Variants in HSPG2 observed in about 807,000 individuals in gnomAD.
HSPG2 encodes the protein heparan sulfate proteoglycan 2, also known as basement membrane-specific heparan sulfate proteoglycan core protein.
In HSPG2, 278 loss-of-function variants were observed where a neutral mutation model predicts 526.6. The observed-to-expected ratio is 0.53, with a 90% confidence interval of 0.48 to 0.58. HSPG2 has a LOEUF of 0.58. Among genes scored for constraint, HSPG2 ranks in the 20% least tolerant of loss-of-function variants. HSPG2 has a pLI of 0.00. For synonymous variants in HSPG2, 2,465 were observed against 2,555.4 expected (o/e 0.96, Z 1.07); for missense variants, 5,354 against 6,099.5 (o/e 0.88, Z 4.07).
rs901459169 is a variant in HSPG2 at position 21,893,914 on chromosome 1, A to C, written c.244+2008T>G. Among the ~76,000 whole-genome samples, 2 of 151,402 alleles carry C rather than the reference A, an allele frequency of 1.3e-5. No homozygotes were observed. Among genetic ancestry groups the C allele is most frequent in the Non-Finnish European group, 2.9e-5 (2 of 67,808 alleles). Reference sequence around the variant, plus strand: ...ACAGGCAGAGGGGAGAGAGGGAAAGACAGAGGGCGACAGAAGCAGAGATGG... The same window carrying C: ...ACAGGCAGAGGGGAGAGAGGGAAAGCCAGAGGGCGACAGAAGCAGAGATGG... On this transcript the variant is annotated intron_variant, in intron 3 of 96. Coordinates refer to ENST00000374695, the MANE Select transcript of HSPG2 (RefSeq NM_005529.7). The surrounding 1 kb of genome is among the most constrained non-coding windows in gnomAD (Gnocchi z 4.3).
chr1:21,919,152 G>A (rs753541505), intron 1 of HSPG2, among the ~76,000 whole-genome samples: 7 of 152,228 alleles, frequency 4.6e-5, no homozygotes, highest in South Asian at 2.1e-4. Flanking sequence ...GGGGCTGGGC[G>A]CAGTGGCTCA....
At chr1:21,870,826 G>C (rs1268642161) in intron 33 of HSPG2, 8 of 986,134 alleles carry the variant, frequency 8.1e-6, no homozygotes, top group Non-Finnish European at 9.6e-6. Context: ...CGCACGTCCT[G>C]GGCCTACCTG....
At position 21,846,189 on chromosome 1, in the gene HSPG2, C is replaced by G. The variant is rs763028665; in HGVS notation, c.8383G>C (p.Val2795Leu). ...TCCAGGGGGCCAGAGCTGCCCATCA[C>G]CCGGCACACGTATTCACCCGAGTCG... ...PADSGEYVCR[V>L]MGSSGPLEAS... The change falls in exon 64 of 97, where the codon GTG (valine) becomes CTG (leucine). Residue 2795 changes from valine (V) to leucine (L), a missense_variant. Physicochemically the swap from Val to Leu is conservative, Grantham distance 32. Coordinates refer to ENST00000374695, the MANE Select transcript of HSPG2 (RefSeq NM_005529.7). 3 of 1,613,000 alleles carry G rather than the reference C, an allele frequency of 1.9e-6. No individual in the cohort carries two copies. Among genetic ancestry groups the G allele is most frequent in the Non-Finnish European group, 2.5e-6 (3 of 1,180,024 alleles).
chr1:21,850,586 G>A, intron 55 of HSPG2, 88 bp from the exon 56 acceptor site: 1 of 1,410,668 alleles, frequency 7.1e-7, no homozygotes. Flanking sequence ...GACCCCCAAG[G>A]CCTGGCCATC....
At position 21,824,114 on chromosome 1, in the gene HSPG2, C is replaced by T; in HGVS notation, c.12899+7G>A. 1 of 1,612,086 alleles carries T rather than the reference C, an allele frequency of 6.2e-7. No individual in the cohort carries two copies. ...CCCCATCCCGAGTGCCCGGCAGGGT[C>T]CCTTACCGCAGTGCTGTCACCCGGT... is the stretch of plus-strand genomic sequence containing the variant. On this transcript the variant is annotated splice_region_variant and intron_variant, in intron 95 of 96. Coordinates refer to ENST00000374695, the MANE Select transcript of HSPG2 (RefSeq NM_005529.7). This position sits in a 1 kb window ranked among gnomAD's most constrained non-coding sequence, Gnocchi z 5.9.
intron 33 of HSPG2, chr1:21,868,791 T>C (rs1219259975): frequency 8.4e-6 from 2 of 239,002 alleles, no homozygotes; most frequent in Admixed American, 1.3e-4. Flanking sequence ...TGAGCCTCGG[T>C]CTCCCCATTT....
Position 21,833,859 on chromosome 1 carries a change from C to T in HSPG2, c.10787G>A (p.Cys3596Tyr), listed in dbSNP as rs747227079. 3 of 1,604,566 alleles carry T rather than the reference C, an allele frequency of 1.9e-6. No individual in the cohort carries two copies. The highest frequency in any genetic ancestry group is 4.5e-5 in the East Asian group (2 of 44,482). Residue 3596 changes from cysteine (C) to tyrosine (Y), a missense_variant, in exon 78 of 97, where the codon TGC (cysteine) becomes TAC (tyrosine). Transcript: ENST00000374695. ...AGGAGTGGGGTAGCCTGAGGCTATG[C>T]AGGGGAAGACAGCTGCAGAACCAGC... ...VPAGSAAVFPCIASGYPTPDI... is the reference protein window; with the variant it reads ...VPAGSAAVFPYIASGYPTPDI...
chr1:21,824,439 G>A lies in HSPG2; in HGVS notation c.12745-63C>T, dbSNP rs905327824. The A allele has an allele frequency of 4.4e-6, 7 of 1,600,146 alleles. No individual in the cohort carries two copies. The highest frequency in any genetic ancestry group is 3.5e-4 in the Middle Eastern group (2 of 5,782). Reference sequence around the variant, plus strand: ...TGGAGAGCAGAGGCTGCCGAGGCCAGGGGGCTCTGCTTTCCCCTCCCCCCA... The same window carrying A: ...TGGAGAGCAGAGGCTGCCGAGGCCAAGGGGCTCTGCTTTCCCCTCCCCCCA... On this transcript the variant is annotated intron_variant, in intron 93 of 96. Coordinates refer to ENST00000374695, the MANE Select transcript of HSPG2 (RefSeq NM_005529.7). This position sits in a 1 kb window ranked among gnomAD's most constrained non-coding sequence, Gnocchi z 5.9.
In HSPG2 at chr1:21,884,600, T is replaced by C. The variant is rs1641742439; in HGVS notation, c.1582A>G (p.Ser528Gly). 6.2e-7 allele frequency: 1 copy of C among 1,610,574 alleles called. No homozygotes were observed. The change falls in exon 13 of 97, where the codon AGC becomes GGC. Residue 528 changes from serine (S) to glycine (G), a missense_variant. Ser to Gly is a moderately conservative substitution (Grantham distance 56, BLOSUM62 0). Transcript: ENST00000374695. ...CLPCFCFGIT[S>G]VCQSTRRFRD... ...AAGCGGCGGGTGCTCTGGCACACGCTGGTGATGCCAAAGCAGAAGCAGGGC... is the reference window on the plus strand; with the variant it reads ...AAGCGGCGGGTGCTCTGGCACACGCCGGTGATGCCAAAGCAGAAGCAGGGC...
intron 33 of HSPG2, chr1:21,869,483 AAGAC>A (rs1640484137): frequency 1.2e-5 from 12 of 987,324 alleles, no homozygotes; most frequent in Non-Finnish European, 1.4e-5. Context: ...CCTGGTGAGA[AAGAC>A]AGAGAAGCTG....
chr1:21,902,090 G>A (rs1018944971), intron 1 of HSPG2, among the ~76,000 whole-genome samples: 2 of 152,210 alleles, frequency 1.3e-5, no homozygotes, highest in Non-Finnish European at 2.9e-5. Context: ...GTCCACAGGC[G>A]ACAGACAGCA....
chr1:21,855,261 G>C (rs752615952), intron 47 of HSPG2, 43 bp downstream of exon 47: 15 of 1,578,152 alleles, frequency 9.5e-6, no homozygotes, highest in Non-Finnish European at 1.3e-5. Context: ...ACTCTCTGCA[G>C]AGCCTGTGGG....
intron 1 of HSPG2, among the ~76,000 whole-genome samples, chr1:21,933,604 T>C (rs1377304362): frequency 2.0e-5 from 3 of 152,198 alleles, no homozygotes; most frequent in Non-Finnish European, 4.4e-5. Context: ...AGATCCTAAC[T>C]TGTCTGCGCT....
rs529517544 is a variant in HSPG2, at chr1:21,829,065, G to A, written c.12007C>T (p.Arg4003Trp). Residue 4003 changes from arginine (R) to tryptophan (W), a missense_variant, in exon 88 of 97, where the codon CGG (arginine) becomes TGG (tryptophan). Transcript: ENST00000374695. Reference protein sequence around the residue: ...YELGSGLAVLRSAEPLALGRW... With the variant: ...YELGSGLAVLWSAEPLALGRW... ...CCCAGGGCCAGCGGCTCGGCGCTCC[G>A]CAGAACGGCCAGCCCTGGGGAGGAT... 5.7e-5 allele frequency: 88 copies of A among 1,541,508 alleles called. No homozygotes were observed. The highest frequency in any genetic ancestry group is 2.0e-4 in the Middle Eastern group (1 of 5,054).
At position 21,858,915 on chromosome 1, in the gene HSPG2, A is replaced by T. The variant is rs1191027072; in HGVS notation, c.5293+651T>A. Among the ~76,000 whole-genome samples, 4 of 151,116 alleles carry T rather than the reference A, an allele frequency of 2.6e-5. No homozygotes were observed. Among genetic ancestry groups the T allele is most frequent in the Non-Finnish European group, 5.9e-5 (4 of 67,784 alleles). On this transcript the variant is annotated intron_variant, in intron 42 of 96. Transcript: ENST00000374695. The surrounding 1 kb of genome is among the most constrained non-coding windows in gnomAD (Gnocchi z 4.2). ...CGTGTTTTACACCGGCTCCCTTTAA[A>T]AGCTTCCTCGGTTGTACTAAGCAAC...
intron 91 of HSPG2, among the ~76,000 whole-genome samples, chr1:21,827,083 C>A (rs2097979152): frequency 6.6e-6 from 1 of 152,012 alleles, no homozygotes; most frequent in South Asian, 2.1e-4. Flanking sequence ...TGGCAGGCAC[C>A]TGTAATCCCA....
At chr1:21,849,958 G>T in intron 57 of HSPG2, 83 bp downstream of exon 57, 1 of 1,557,286 alleles carries the variant, frequency 6.4e-7, no homozygotes, top group African/African-American at 1.4e-5. Flanking sequence ...GATTACAGGC[G>T]TGAGCCACTG....
chr1:21,911,849 GCCTTT>G (rs1643700288), intron 1 of HSPG2, among the ~76,000 whole-genome samples: 1 of 152,170 alleles, frequency 6.6e-6, no homozygotes, highest in Non-Finnish European at 1.5e-5. Context: ...TCGGTGCCAA[GCCTTT>G]CCAGCCCGCT....
rs200578340 is a variant in HSPG2, at chr1:21,884,518, G to A, written c.1654+10C>T. On this transcript the variant is annotated intron_variant, in intron 13 of 96. Transcript: ENST00000374695. ...CACCTCCCGCAGCGCTCACCCGCCC[G>A]CCAACGCACCCTTGAAGTCATCGGG... 69 of 1,610,742 alleles carry A rather than the reference G, an allele frequency of 4.3e-5. No individual in the cohort carries two copies. The highest frequency in any genetic ancestry group is 1.5e-4 in the Admixed American group (9 of 59,994).
Sources: gnomAD v4.1 joint callset for allele counts (sites outside exome capture counted in the v4.1 genomes callset) on GRCh38, gnomAD v4.1.1 for gene constraint, Gnocchi (gnomAD v3.1) non-coding constraint, MANE v1.5 for transcripts, NCBI Gene and HGNC (gene_info 2026-07-23, HGNC 2026-07-21) for gene names.